ATP10B: variants seen among roughly 807,000 people sequenced by gnomAD.
ATP10B encodes the protein phospholipid-transporting ATPase VB.
In ATP10B, 122 loss-of-function variants were observed where a neutral mutation model predicts 141.2. The observed-to-expected ratio is 0.86, with a 90% CI of 0.75 to 1.00. The LOEUF (loss-of-function observed/expected upper bound fraction) is 1.00, where lower values mean the gene tolerates loss of function less well. Among genes scored for constraint, ATP10B ranks in the 50% least tolerant of loss-of-function variants. The pLI is 0.00. For missense variants in ATP10B, 1,876 were observed against 1,825.3 expected (o/e 1.03, Z -0.51); for synonymous variants, 685 against 692.0 (o/e 0.99, Z 0.16).
chr5:160,726,946 G>T (rs995286216), intron 2 of ATP10B, among the ~76,000 whole-genome samples: 5 of 152,086 alleles, frequency 3.3e-5, no homozygotes, highest in Admixed American at 3.3e-4. Context: ...CCCGGGGGTG[G>T]GGTGGGGGAC....
At position 160,634,614 on chromosome 5, in the gene ATP10B, G is replaced by A; in HGVS notation, c.1129-8C>T. 6.3e-7 allele frequency: 1 copy of A among 1,599,306 alleles called. No homozygotes were observed. Among genetic ancestry groups the A allele is most frequent in the Non-Finnish European group, 8.5e-7 (1 of 1,172,304 alleles). ...AGAGATGGGGATCAGCACCTGAAAA[G>A]AGATGAGTTTCTACCATTCAGAAAC... On this transcript the variant is annotated splice_polypyrimidine_tract_variant and splice_region_variant and intron_variant, in intron 11 of 25. Coordinates refer to ENST00000327245, the MANE Select transcript of ATP10B (RefSeq NM_025153.3).
intron 7 of ATP10B, among the ~76,000 whole-genome samples, chr5:160,659,311 A>G (rs906707433): frequency 2.0e-5 from 3 of 151,970 alleles, no homozygotes; most frequent in Non-Finnish European, 4.4e-5. Context: ...TAAAAATACA[A>G]AAAATTAGCC....
In ATP10B at chr5:160,653,192, CAATAT is replaced by C. The variant is rs562473389; in HGVS notation, c.676-3941_676-3937del. ...TTATATATACAATATATTATATATA[CAATAT>C]ATTATATACTATATATCATATATAC... On this transcript the variant is annotated intron_variant, in intron 7 of 25. Transcript: ENST00000327245. 2.0e-3 allele frequency among the ~76,000 whole-genome samples: 249 copies of C among 123,994 alleles called. 1 individual carries two copies. Among genetic ancestry groups the C allele is most frequent in the African/African-American group, 7.4e-3 (218 of 29,508 alleles). The allele number at this position is 123,994 out of a possible 152,430, so 81.3% of individuals were successfully genotyped here.
the ATP10B span, among the ~76,000 whole-genome samples, chr5:160,872,939 A>G: frequency 6.6e-6 from 1 of 152,074 alleles, no homozygotes; most frequent in Middle Eastern, 3.4e-3. Flanking sequence ...TGGGGATTGC[A>G]TTGAATTTCT....
At chr5:160,811,972 C>T (rs1581577866) in intron 1 of ATP10B, among the ~76,000 whole-genome samples, 1 of 151,214 alleles carries the variant, frequency 6.6e-6, no homozygotes, top group African/African-American at 2.4e-5. Context: ...TTACTCCACC[C>T]CCAGCTCCAG....
intron 2 of ATP10B, among the ~76,000 whole-genome samples, chr5:160,784,133 A>G (rs1770961992): frequency 6.6e-6 from 1 of 152,084 alleles, no homozygotes; most frequent in Non-Finnish European, 1.5e-5. Context: ...TGAGACAGAA[A>G]AGTCTTTCTG....
intron 2 of ATP10B, among the ~76,000 whole-genome samples, chr5:160,749,514 A>T (rs1402539144): frequency 3.3e-5 from 5 of 152,002 alleles, no homozygotes; most frequent in Non-Finnish European, 5.9e-5. Context: ...TTTATCCCTC[A>T]TTGCCACCTG....
the ATP10B span, among the ~76,000 whole-genome samples, chr5:160,869,036 C>T: frequency 6.6e-6 from 1 of 152,096 alleles, no homozygotes; most frequent in African/African-American, 2.4e-5. Flanking sequence ...GCTATTTGAC[C>T]TTTGAAAGCT....
chr5:160,920,513 A>C, the ATP10B span, among the ~76,000 whole-genome samples: 1 of 152,244 alleles, frequency 6.6e-6, no homozygotes, highest in Non-Finnish European at 1.5e-5. Flanking sequence ...ACATGCAAGG[A>C]TCTTTGAAGA....
At chr5:160,745,311 T>A (rs927626717) in intron 2 of ATP10B, among the ~76,000 whole-genome samples, 2 of 152,228 alleles carry the variant, frequency 1.3e-5, no homozygotes, top group African/African-American at 2.4e-5. Flanking sequence ...TTTTTAAGAC[T>A]AAATATCATT....
At chr5:160,842,332 T>C (rs897339613) in intron 1 of ATP10B, among the ~76,000 whole-genome samples, 8 of 152,048 alleles carry the variant, frequency 5.3e-5, no homozygotes, top group Non-Finnish European at 8.8e-5. Flanking sequence ...CACCTAAAGC[T>C]ATGATTGGGG....
the ATP10B span, among the ~76,000 whole-genome samples, chr5:160,903,078 C>T: frequency 6.6e-6 from 1 of 152,110 alleles, no homozygotes; most frequent in Non-Finnish European, 1.5e-5. Flanking sequence ...CAGTGAATGG[C>T]TATTTATTAC....
chr5:160,847,122 CT>C (rs1170041862), intron 1 of ATP10B, among the ~76,000 whole-genome samples: 2 of 152,254 alleles, frequency 1.3e-5, no homozygotes, highest in East Asian at 3.9e-4. Context: ...GTAATTTGAA[CT>C]GTTGTCTGCA....
At position 160,636,314 on chromosome 5, in the gene ATP10B, G is replaced by C; in HGVS notation, c.1001-5C>G. 1 of 1,611,844 alleles carries C rather than the reference G, an allele frequency of 6.2e-7. No homozygotes were observed. Among genetic ancestry groups the C allele is most frequent in the East Asian group, 2.2e-5 (1 of 44,834 alleles). On this transcript the variant is annotated splice_region_variant and splice_polypyrimidine_tract_variant and intron_variant, in intron 10 of 25. Transcript: ENST00000327245. ...TCCCATTCCAGATGCTGTGACCTGA[G>C]AGGAGGCAAAACCAGGAATGAGGCT...
In ATP10B at chr5:160,714,874, G is replaced by A. The variant is rs934916422; in HGVS notation, c.-205+2035C>T. On this transcript the variant is annotated intron_variant, in intron 3 of 25. Transcript: ENST00000327245. ...TGCAGGTCTGTTGGAATACCCTGCCGTGTGAGGTGTCAGTGTGGCCCTGCT... is the reference window on the plus strand; with the variant it reads ...TGCAGGTCTGTTGGAATACCCTGCCATGTGAGGTGTCAGTGTGGCCCTGCT... Among the ~76,000 whole-genome samples the A allele has an allele frequency of 1.3e-3, 189 of 147,454 alleles. 2 individuals are homozygous for A. The highest frequency in any genetic ancestry group is 4.1e-3 in the African/African-American group (159 of 38,800).
intron 7 of ATP10B, among the ~76,000 whole-genome samples, chr5:160,656,534 A>T (rs1014388499): frequency 6.6e-6 from 1 of 152,226 alleles, no homozygotes; most frequent in African/African-American, 2.4e-5. Flanking sequence ...TAAGTCTCAC[A>T]CATGCATGTA....
At chr5:160,596,732 A>G (rs1183008665) in intron 22 of ATP10B, among the ~76,000 whole-genome samples, 2 of 152,138 alleles carry the variant, frequency 1.3e-5, no homozygotes, top group Admixed American at 6.5e-5. Flanking sequence ...AATCACAAGC[A>G]TTCCTATACA....
chr5:160,750,233 T>A (rs1016672147), intron 2 of ATP10B, among the ~76,000 whole-genome samples: 3 of 152,214 alleles, frequency 2.0e-5, no homozygotes, highest in Non-Finnish European at 4.4e-5. Flanking sequence ...TAGTAGTCCA[T>A]GACACCTGTT....
intron 19 of ATP10B, among the ~76,000 whole-genome samples, chr5:160,606,407 A>G (rs1487389827): frequency 1.3e-5 from 2 of 152,208 alleles, no homozygotes; most frequent in African/African-American, 4.8e-5. Flanking sequence ...TGTGGCATGC[A>G]TAAAGTACTA....
Sources: allele counts gnomAD v4.1 joint callset (sites outside exome capture counted in the v4.1 genomes callset), GRCh38; gene constraint gnomAD v4.1.1; transcripts MANE v1.5; gene names NCBI Gene and HGNC (gene_info 2026-07-23, HGNC 2026-07-21).